The following SAMHD1 variants were observed in gnomAD, a reference collection of about 807,000 sequenced individuals.
SAMHD1 encodes the protein deoxynucleoside triphosphate triphosphohydrolase SAMHD1.
In SAMHD1, 54 loss-of-function variants were observed where a neutral mutation model predicts 79.6. The ratio of observed to expected loss-of-function variants is 0.68; its 90% CI spans 0.55 to 0.85. The LOEUF is 0.85. SAMHD1 is among the 40% of genes least tolerant of loss of function. The pLI is 0.00. For missense variants in SAMHD1, 663 were observed against 782.7 expected, an observed-to-expected ratio of 0.85 and a Z score of 1.82; for synonymous variants, 260 against 264.1, an observed-to-expected ratio of 0.98 and a Z score of 0.15.
intron 11 of SAMHD1, among the ~76,000 whole-genome samples, chr20:36,906,779 A>G (rs1203747574): frequency 2.0e-5 from 3 of 150,778 alleles, no homozygotes; most frequent in African/African-American, 4.9e-5. Flanking sequence ...CTTTCTCCAT[A>G]TATATATATC....
intron 9 of SAMHD1, among the ~76,000 whole-genome samples, chr20:36,916,115 C>T (rs371598068): frequency 6.6e-6 from 1 of 150,844 alleles, no homozygotes; most frequent in Non-Finnish European, 1.5e-5. Flanking sequence ...GAGCCGAGAT[C>T]GTGCCACTGC....
In SAMHD1 at chr20:36,939,075, C is replaced by CAAAAAAAAAAAA. The variant is rs1178988134; in HGVS notation, c.348+1952_348+1963dup. Among the ~76,000 whole-genome samples the CAAAAAAAAAAAA allele has an allele frequency of 7.5e-4, 17 of 22,532 alleles. 1 individual carries two copies. The highest frequency in any genetic ancestry group is 9.0e-4 in the Admixed American group (1 of 1,106). 14.8% of individuals were successfully genotyped at this position (22,532 alleles called of 152,430 possible). A position where few individuals can be genotyped will look rare whatever the true frequency, so the allele number is the denominator to read the frequency against. On this transcript the variant is annotated intron_variant, in intron 3 of 15. Transcript: ENST00000646673. ...GAAACCTTGCCTCTACTAAAAATAC[C>CAAAAAAAAAAAA]AAAAAAAAAAAAAAAAAAAAAAAAA...
chr20:36,905,001 A>C (rs1316366497), intron 12 of SAMHD1: 3 of 290,170 alleles, frequency 1.0e-5, no homozygotes, highest in Non-Finnish European at 6.6e-6. Context: ...AGCCTCAATG[A>C]AGCTCATGCA....
At chr20:36,899,849 A>G (rs1057379223) in intron 13 of SAMHD1, among the ~76,000 whole-genome samples, 1 of 152,164 alleles carries the variant, frequency 6.6e-6, no homozygotes, top group Non-Finnish European at 1.5e-5. Flanking sequence ...TAATCCCAGC[A>G]CTTTGGGAGG....
intron 15 of SAMHD1, among the ~76,000 whole-genome samples, chr20:36,896,072 T>C (rs1286062723): frequency 6.6e-6 from 1 of 151,820 alleles, no homozygotes; most frequent in Non-Finnish European, 1.5e-5. Context: ...GATTTTTCTT[T>C]TCTTTTCTTT....
intron 15 of SAMHD1, 26 bp downstream of exon 15, chr20:36,897,794 CAA>C: frequency 1.2e-6 from 2 of 1,614,018 alleles, no homozygotes; most frequent in South Asian, 1.1e-5. Flanking sequence ...AAAAATTGTG[CAA>C]AGTTTGTGAG....
chr20:36,892,499 G>T lies in SAMHD1; in HGVS notation c.*433C>A, dbSNP rs1601107747. 5.0e-6 allele frequency: 1 copy of T among 199,162 alleles called. No individual in the cohort carries two copies. The highest frequency in any genetic ancestry group is 1.3e-4 in the East Asian group (1 of 7,554). The allele number at this position is 199,162 out of a possible 1,614,324, so 12.3% of individuals were successfully genotyped here. On this transcript the variant is annotated 3_prime_UTR_variant, in exon 16 of 16. Coordinates refer to ENST00000646673, the MANE Select transcript of SAMHD1 (RefSeq NM_015474.4). ...CAAAAAACAATCATCTGTCATAAAA[G>T]TTCAGAGTAAGCTGGGTGTGGTGGC...
At chr20:36,916,598 C>A (rs2063477267) in intron 9 of SAMHD1, 124 bp downstream of exon 9, 1 of 779,850 alleles carries the variant, frequency 1.3e-6, no homozygotes, top group Non-Finnish European at 2.3e-6. Context: ...AAGATATTTA[C>A]AAATCCTAGG....
intron 9 of SAMHD1, among the ~76,000 whole-genome samples, chr20:36,916,093 G>A (rs866417087): frequency 8.4e-4 from 126 of 149,448 alleles, no homozygotes; most frequent in African/African-American, 2.8e-3. Context: ...CCCGGGAGGC[G>A]GAGCTTGCAG....
At chr20:36,913,027 C>A (rs2063454719) in intron 9 of SAMHD1, among the ~76,000 whole-genome samples, 1 of 134,948 alleles carries the variant, frequency 7.4e-6, no homozygotes, top group South Asian at 2.4e-4. Flanking sequence ...GATGGAGTCT[C>A]GCTCTGTTGC....
At chr20:36,928,276 C>T (rs1280112405) in intron 5 of SAMHD1, among the ~76,000 whole-genome samples, 1 of 152,050 alleles carries the variant, frequency 6.6e-6, no homozygotes, top group African/African-American at 2.4e-5. Context: ...GTAGTCCCAG[C>T]TACTCGGGAG....
At chr20:36,903,541 T>C (rs1368767097) in intron 13 of SAMHD1, among the ~76,000 whole-genome samples, 3 of 115,596 alleles carry the variant, frequency 2.6e-5, no homozygotes, top group Non-Finnish European at 3.6e-5. Context: ...GCCCAGCAAT[T>C]TTTTTTTTCT....
chr20:36,947,545 A>G, intron 1 of SAMHD1, among the ~76,000 whole-genome samples: 1 of 63,688 alleles, frequency 1.6e-5, no homozygotes, highest in African/African-American at 8.8e-5. Context: ...TCTGATTTGG[A>G]AGAGGGGTGT....
intron 11 of SAMHD1, among the ~76,000 whole-genome samples, chr20:36,907,768 G>A (rs1429417112): frequency 6.6e-6 from 1 of 151,968 alleles, no homozygotes; most frequent in Non-Finnish European, 1.5e-5. Flanking sequence ...AAGCCACCAT[G>A]CCTGGCTGAC....
intron 10 of SAMHD1, chr20:36,911,616 G>A (rs570843393): frequency 3.3e-6 from 1 of 306,130 alleles, no homozygotes; most frequent in African/African-American, 2.1e-5. Flanking sequence ...ATGCAGAAAT[G>A]AAGTAAATTT....
At chr20:36,910,883 C>A (rs2063435019) in intron 11 of SAMHD1, among the ~76,000 whole-genome samples, 2 of 152,070 alleles carry the variant, frequency 1.3e-5, no homozygotes. Context: ...GGTCAAATCC[C>A]TTTATCAAAG....
At chr20:36,930,085 CA>C (rs11468025) in intron 5 of SAMHD1, among the ~76,000 whole-genome samples, 15,511 of 131,250 alleles carry the variant, frequency 0.12, 931 homozygotes, top group Non-Finnish European at 0.14. Context: ...AAAAAAAGAC[CA>C]AAAAAAAAAA....
intron 13 of SAMHD1, among the ~76,000 whole-genome samples, chr20:36,900,314 C>T (rs1336815729): frequency 1.3e-5 from 2 of 152,002 alleles, no homozygotes; most frequent in Non-Finnish European, 2.9e-5. Flanking sequence ...GGCACAATCT[C>T]GGCACACTGC....
intron 15 of SAMHD1, chr20:36,893,343 T>C (rs577030555): frequency 1.5e-4 from 77 of 503,204 alleles, no homozygotes; most frequent in African/African-American, 1.4e-3. Context: ...ATGGCCTCCT[T>C]CACACACCTT....
Sources: gnomAD v4.1 joint callset for allele counts (sites outside exome capture counted in the v4.1 genomes callset) on GRCh38, gnomAD v4.1.1 for gene constraint, MANE v1.5 for transcripts, NCBI Gene and HGNC (gene_info 2026-07-23, HGNC 2026-07-21) for gene names.